Variants in CRACR2A observed in about 807,000 individuals in gnomAD.
The protein encoded by CRACR2A is EF-hand calcium-binding domain-containing protein 4B.
In CRACR2A, 79 loss-of-function variants were observed where a neutral mutation model predicts 90.5. The ratio of observed to expected loss-of-function variants is 0.87; its 90% CI spans 0.73 to 1.05. The LOEUF (loss-of-function observed/expected upper bound fraction) is 1.05, where lower values mean the gene tolerates loss of function less well. Ranked by LOEUF, CRACR2A falls within the 50% of genes least tolerant of loss-of-function variation. The pLI is 0.00. For synonymous variants in CRACR2A, 338 were observed against 356.7 expected, an observed-to-expected ratio of 0.95 and a Z score of 0.59; for missense variants, 823 against 897.2, an observed-to-expected ratio of 0.92 and a Z score of 1.06.
At chr12:3,629,172 T>TCA (rs567124398) in intron 15 of CRACR2A, among the ~76,000 whole-genome samples, 1 of 151,958 alleles carries the variant, frequency 6.6e-6, no homozygotes, top group Non-Finnish European at 1.5e-5. Context: ...ACATACACAT[T>TCA]CACACACACA....
At position 3,654,358 on chromosome 12, in the gene CRACR2A, C is replaced by G; in HGVS notation, c.900G>C (p.Glu300Asp). 6.2e-7 allele frequency: 1 copy of G among 1,613,274 alleles called. No homozygotes were observed. Among genetic ancestry groups the G allele is most frequent in the Non-Finnish European group, 8.5e-7 (1 of 1,179,734 alleles). ...TCAGCTTGGTATTCTCAGCCTTGGT[C>G]TCATGCTTGTCATGATGCAGGGCTG... The part of the protein sequence containing the change: ...QCTALHHDKH[E>D]TKAENTKLKL... Residue 300 changes from glutamate (E) to aspartate (D), a missense_variant, in exon 10 of 20, where the codon GAG (glutamate) becomes GAC (aspartate). Transcript: ENST00000440314.
chr12:3,688,040 GTTTC>G (rs375663683), intron 4 of CRACR2A, among the ~76,000 whole-genome samples: 29 of 151,536 alleles, frequency 1.9e-4, no homozygotes, highest in African/African-American at 6.5e-4. Context: ...GGGATTGCTT[GTTTC>G]TTTCTTATAA....
At chr12:3,628,171 CT>C (rs1944308856) in intron 15 of CRACR2A, among the ~76,000 whole-genome samples, 1 of 143,734 alleles carries the variant, frequency 7.0e-6, no homozygotes, top group South Asian at 2.4e-4. Flanking sequence ...CTCTCTCTTT[CT>C]TTCTCTCTTT....
rs549130092 is a variant in CRACR2A, at chr12:3,627,552, T to C, written c.1818-2A>G. On this transcript the variant is annotated splice_acceptor_variant, in intron 16 of 19. Transcript: ENST00000440314. LOFTEE classifies it high-confidence loss of function. Reference sequence around the variant, plus strand: ...AACTGCTGGGTGATGCACCGGTACCTGCCACAGAAGGGCCACGGGTCAGGC... The same window carrying C: ...AACTGCTGGGTGATGCACCGGTACCCGCCACAGAAGGGCCACGGGTCAGGC... 6.4e-7 allele frequency: 1 copy of C among 1,551,652 alleles called. No individual in the cohort carries two copies. Among genetic ancestry groups the C allele is most frequent in the Admixed American group, 2.0e-5 (1 of 51,010 alleles).
intron 6 of CRACR2A, 80 bp from the exon 7 acceptor site, chr12:3,673,672 G>C (rs1216177577): frequency 1.3e-6 from 2 of 1,537,646 alleles, no homozygotes; most frequent in Non-Finnish European, 8.8e-7. Flanking sequence ...ACAGGAAACT[G>C]ACAGCCAGAA....
At chr12:3,649,301 C>A (rs1944754075) in intron 10 of CRACR2A, among the ~76,000 whole-genome samples, 1 of 151,982 alleles carries the variant, frequency 6.6e-6, no homozygotes, top group Non-Finnish European at 1.5e-5. Context: ...ACTGCCCTAT[C>A]CTATCCAGAC....
chr12:3,678,921 AAC>A lies in CRACR2A; in HGVS notation c.516_517del (p.Leu173GlyfsTer3). On this transcript the variant is annotated frameshift_variant, in exon 6 of 20. Transcript: ENST00000440314. LOFTEE classifies it high-confidence loss of function. ...AATCACTGTCACCACTTACTCTTCC[AAC>A]ACCTTTTGGGCTCCAAGTCTGTCCA... is the stretch of plus-strand genomic sequence containing the variant. 1 of 1,606,508 alleles carries A rather than the reference AAC, an allele frequency of 6.2e-7. No homozygotes were observed. The highest frequency in any genetic ancestry group is 1.1e-5 in the South Asian group (1 of 89,116).
intron 2 of CRACR2A, chr12:3,725,869 T>C (rs1455703209): frequency 1.3e-5 from 2 of 152,198 alleles, no homozygotes; most frequent in Non-Finnish European, 2.9e-5. Flanking sequence ...AAGAAGACAT[T>C]GTAAAGAATC....
intron 3 of CRACR2A, among the ~76,000 whole-genome samples, chr12:3,709,233 C>T (rs889190176): frequency 3.9e-5 from 6 of 152,226 alleles, no homozygotes; most frequent in African/African-American, 1.4e-4. Context: ...CTACACCATA[C>T]AATTCTGACT....
At chr12:3,699,259 A>G (rs1387799271) in intron 3 of CRACR2A, among the ~76,000 whole-genome samples, 4 of 152,200 alleles carry the variant, frequency 2.6e-5, no homozygotes, top group African/African-American at 9.7e-5. Context: ...CCAGAGGCAT[A>G]TTCATCATTT....
At chr12:3,627,331 C>A (rs1944283530) in intron 17 of CRACR2A, 105 bp downstream of exon 17, 2 of 823,798 alleles carry the variant, frequency 2.4e-6, no homozygotes, top group Non-Finnish European at 3.8e-6. Flanking sequence ...AAGGCAAGTT[C>A]CGAATCAGAT....
intron 3 of CRACR2A, among the ~76,000 whole-genome samples, chr12:3,701,747 G>GTC (rs1945837868): frequency 6.6e-6 from 1 of 152,054 alleles, no homozygotes; most frequent in East Asian, 1.9e-4. Flanking sequence ...AATATTTAAA[G>GTC]AATAAGTAAT....
intron 8 of CRACR2A, among the ~76,000 whole-genome samples, chr12:3,657,853 G>A (rs1411507274): frequency 6.6e-6 from 1 of 152,128 alleles, no homozygotes; most frequent in Non-Finnish European, 1.5e-5. Context: ...TCACATCCTG[G>A]GGTTGGAAGG....
intron 7 of CRACR2A, among the ~76,000 whole-genome samples, chr12:3,661,126 C>T (rs1179371935): frequency 1.3e-5 from 2 of 152,200 alleles, no homozygotes; most frequent in Non-Finnish European, 2.9e-5. Context: ...TCTCTGCTGT[C>T]CAAGGCTTTG....
At chr12:3,675,204 T>C (rs2137587153) in intron 6 of CRACR2A, among the ~76,000 whole-genome samples, 1 of 152,250 alleles carries the variant, frequency 6.6e-6, no homozygotes, top group South Asian at 2.1e-4. Context: ...TAACAAGCAT[T>C]ATATTTTAGA....
intron 15 of CRACR2A, among the ~76,000 whole-genome samples, chr12:3,629,284 T>C (rs1211741405): frequency 6.6e-6 from 1 of 152,126 alleles, no homozygotes; most frequent in Non-Finnish European, 1.5e-5. Context: ...GCTCCTCCTG[T>C]AGCCAGACTC....
intron 7 of CRACR2A, 21 bp downstream of exon 7, chr12:3,673,425 G>A (rs111839912): frequency 6.5e-5 from 104 of 1,599,086 alleles, no homozygotes; most frequent in African/African-American, 3.1e-4. Context: ...TACAGAAAGC[G>A]GCTGACACTG....
chr12:3,666,888 T>C (rs1423437823), intron 7 of CRACR2A, among the ~76,000 whole-genome samples: 1 of 152,180 alleles, frequency 6.6e-6, no homozygotes, highest in African/African-American at 2.4e-5. Flanking sequence ...CCAAGAAAAA[T>C]GTAGCTTCTG....
intron 7 of CRACR2A, among the ~76,000 whole-genome samples, chr12:3,662,488 G>A (rs1280123065): frequency 1.3e-5 from 2 of 152,204 alleles, no homozygotes; most frequent in African/African-American, 4.8e-5. Context: ...GAGAGTGGAT[G>A]TGAAAAGCGT....
Sources: gnomAD v4.1 joint callset for allele counts (sites outside exome capture counted in the v4.1 genomes callset) on GRCh38, gnomAD v4.1.1 for gene constraint, MANE v1.5 for transcripts, NCBI Gene and HGNC (gene_info 2026-07-23, HGNC 2026-07-21) for gene names.